Variants in FNDC1 observed in about 807,000 individuals in gnomAD.
FNDC1 encodes the protein fibronectin type III domain containing 1, also known as fibronectin type III domain-containing protein 1.
In FNDC1, 96 loss-of-function variants were observed where a neutral mutation model predicts 168.0. The ratio of observed to expected loss-of-function variants is 0.57; its 90% confidence interval spans 0.48 to 0.68. The LOEUF is 0.68. FNDC1 is among the 30% of genes least tolerant of loss of function. The pLI is 0.00. For missense variants in FNDC1, 2,587 were observed against 2,482.1 expected, an observed-to-expected ratio of 1.04 and a Z score of -0.90; for synonymous variants, 1,099 against 1,025.9, an observed-to-expected ratio of 1.07 and a Z score of -1.36.
At chr6:159,213,462 T>C (rs1782646995) in intron 4 of FNDC1, among the ~76,000 whole-genome samples, 1 of 152,116 alleles carries the variant, frequency 6.6e-6, no homozygotes, top group South Asian at 2.1e-4. Flanking sequence ...TCAGAATTGG[T>C]TTGTCCTGGA....
Position 159,271,589 on chromosome 6 carries a change from A to G in FNDC1, c.*147A>G, listed in dbSNP as rs1456148704. ...TAGATGGACACTGGCCATTCTGGTC[A>G]TCTCAGTCTGGAACTCAGTCCCACT... On this transcript the variant is annotated 3_prime_UTR_variant, in exon 23 of 23. Coordinates refer to ENST00000297267, the MANE Select transcript of FNDC1 (RefSeq NM_032532.3). 9.7e-6 allele frequency: 6 copies of G among 621,170 alleles called. No individual in the cohort carries two copies. The highest frequency in any genetic ancestry group is 1.8e-5 in the Non-Finnish European group (6 of 338,490). 38.5% of individuals were successfully genotyped at this position (621,170 alleles called of 1,614,324 possible).
At chr6:159,210,195 C>A (rs191902355) in intron 4 of FNDC1, among the ~76,000 whole-genome samples, 1 of 152,326 alleles carries the variant, frequency 6.6e-6, no homozygotes, top group East Asian at 1.9e-4. Context: ...GGACCTTCCC[C>A]TGGAGAAGGT....
At position 159,225,397 on chromosome 6, in the gene FNDC1, A is replaced by G. The variant is rs990534866; in HGVS notation, c.885-138A>G. Reference sequence around the variant, plus strand: ...GAACTTTGAGCCAATAACATAGTCAAAAGTTTAGATTTTTCTCCTCTTTGA... The same window carrying G: ...GAACTTTGAGCCAATAACATAGTCAGAAGTTTAGATTTTTCTCCTCTTTGA... On this transcript the variant is annotated intron_variant, in intron 7 of 22. Transcript: ENST00000297267. The G allele has an allele frequency of 1.0e-5, 7 of 677,030 alleles. No homozygotes were observed. The African/African-American group carries it at 1.1e-4, about 10-fold the overall frequency. The allele number at this position is 677,030 out of a possible 1,614,324, so 41.9% of individuals were successfully genotyped here.
At chr6:159,264,417 T>C (rs1242995894) in intron 19 of FNDC1, among the ~76,000 whole-genome samples, 1 of 152,230 alleles carries the variant, frequency 6.6e-6, no homozygotes, top group Non-Finnish European at 1.5e-5. Flanking sequence ...TATCAGTAGT[T>C]CACTCTGTTT....
Position 159,198,996 on chromosome 6 carries a change from C to A in FNDC1, c.305-1000C>A, listed in dbSNP as rs371149184. On this transcript the variant is annotated intron_variant, in intron 2 of 22. Coordinates refer to ENST00000297267, the MANE Select transcript of FNDC1 (RefSeq NM_032532.3). ...AGGGGGCATCAGCCAGGCTTCTGTT[C>A]ATGGGCCTCTGGCTTGAGGACTGAG... Among the ~76,000 whole-genome samples, 82 of 152,354 alleles carry A rather than the reference C, an allele frequency of 5.4e-4. 3 individuals carry two copies. In the South Asian group the frequency reaches 0.017, roughly 31 times the overall value.
At chr6:159,196,188 G>A (rs1473120504) in intron 1 of FNDC1, among the ~76,000 whole-genome samples, 1 of 152,224 alleles carries the variant, frequency 6.6e-6, no homozygotes, top group East Asian at 1.9e-4. Flanking sequence ...CAGGTTTACA[G>A]GAACCTCACC....
rs191379081 is a variant in FNDC1 at position 159,176,596 on chromosome 6, C to T, written c.109+6891C>T. On this transcript the variant is annotated intron_variant, in intron 1 of 22. Coordinates refer to ENST00000297267, the MANE Select transcript of FNDC1 (RefSeq NM_032532.3). ...TCATGTGCAAGGAACCAGGAATATT[C>T]GAGGTGGTTCGTGCTAAGTGCTGCT... Among the ~76,000 whole-genome samples the T allele has an allele frequency of 3.9e-5, 6 of 152,300 alleles. No individual in the cohort carries two copies. In the East Asian group the frequency reaches 1.2e-3, roughly 29 times the overall value.
chr6:159,271,684 T>C lies in FNDC1; in HGVS notation c.*242T>C, dbSNP rs1777752147. The C allele has an allele frequency of 2.4e-6, 1 of 409,116 alleles. No individual in the cohort carries two copies. Among genetic ancestry groups the C allele is most frequent in the Admixed American group, 3.8e-5 (1 of 26,494 alleles). The allele number at this position is 409,116 out of a possible 1,614,324, so 25.3% of individuals were successfully genotyped here. On this transcript the variant is annotated 3_prime_UTR_variant, in exon 23 of 23. Transcript: ENST00000297267. The stretch of plus-strand genomic sequence containing the variant: ...TGCTTCTCTACTTTTTTTTGTTTGT[T>C]TGTAATAGCACATCCCAGAGACATC...
chr6:159,265,300 G>T (rs1453737358), intron 20 of FNDC1, among the ~76,000 whole-genome samples: 1 of 152,146 alleles, frequency 6.6e-6, no homozygotes, highest in African/African-American at 2.4e-5. Context: ...TTAAATCACT[G>T]AAAAGGTAGC....
chr6:159,192,245 T>C (rs75010689), intron 1 of FNDC1, among the ~76,000 whole-genome samples: 5,796 of 152,174 alleles, frequency 0.038, 409 homozygotes, highest in African/African-American at 0.13. Context: ...CTTTTTCCTT[T>C]TACCTACCTT....
chr6:159,219,608 G>A (rs1388343764), intron 5 of FNDC1, among the ~76,000 whole-genome samples: 6 of 152,110 alleles, frequency 3.9e-5, no homozygotes, highest in Admixed American at 1.3e-4. Context: ...GAAGATGCGC[G>A]CGTGAGAAGC....
chr6:159,214,826 T>A, intron 4 of FNDC1, 119 bp from the exon 5 acceptor site: 1 of 787,238 alleles, frequency 1.3e-6, no homozygotes, highest in Non-Finnish European at 2.1e-6. Flanking sequence ...TACCAAGAAA[T>A]GCATGTTTGA....
intron 14 of FNDC1, among the ~76,000 whole-genome samples, chr6:159,241,659 C>T (rs1181599873): frequency 6.6e-6 from 1 of 152,196 alleles, no homozygotes; most frequent in Non-Finnish European, 1.5e-5. Flanking sequence ...TTTAAAAAGA[C>T]TTCCATATGC....
chr6:159,201,551 G>A (rs1782378228), intron 4 of FNDC1, among the ~76,000 whole-genome samples: 1 of 152,226 alleles, frequency 6.6e-6, no homozygotes, highest in Non-Finnish European at 1.5e-5. Context: ...GTAAGAACGA[G>A]ACATGGACTT....
intron 22 of FNDC1, among the ~76,000 whole-genome samples, chr6:159,270,162 G>T (rs1225144473): frequency 7.2e-5 from 11 of 152,134 alleles, no homozygotes; most frequent in Non-Finnish European, 1.5e-4. Context: ...TGATCTAGAG[G>T]TCTAGGCTGC....
At chr6:159,175,266 T>C (rs1435704480) in intron 1 of FNDC1, among the ~76,000 whole-genome samples, 1 of 152,228 alleles carries the variant, frequency 6.6e-6, no homozygotes, top group East Asian at 1.9e-4. Flanking sequence ...TGTTATTTAA[T>C]TTAATTTTCA....
intron 5 of FNDC1, among the ~76,000 whole-genome samples, chr6:159,217,009 T>C (rs1295388890): frequency 1.3e-5 from 2 of 152,112 alleles, no homozygotes; most frequent in African/African-American, 4.8e-5. Context: ...TCCTGCCCCG[T>C]GGTGTGGAGG....
At chr6:159,187,354 A>C (rs1358181891) in intron 1 of FNDC1, among the ~76,000 whole-genome samples, 1 of 152,100 alleles carries the variant, frequency 6.6e-6, no homozygotes, top group African/African-American at 2.4e-5. Flanking sequence ...TGACCTGACA[A>C]AGCGCTGGGT....
chr6:159,177,353 C>A (rs1233548310), intron 1 of FNDC1, among the ~76,000 whole-genome samples: 1 of 152,100 alleles, frequency 6.6e-6, no homozygotes, highest in Non-Finnish European at 1.5e-5. Context: ...TAATAAAGTA[C>A]CTGAGAAAGC....
Sources: allele counts gnomAD v4.1 joint callset (sites outside exome capture counted in the v4.1 genomes callset), GRCh38; gene constraint gnomAD v4.1.1; transcripts MANE v1.5; gene names NCBI Gene and HGNC (gene_info 2026-07-23, HGNC 2026-07-21).